Variants in SLC6A15 observed in about 807,000 individuals in gnomAD.
SLC6A15 encodes the protein sodium-dependent neutral amino acid transporter B(0)AT2.
In SLC6A15, 33 loss-of-function variants were observed where a neutral mutation model predicts 68.5. The observed-to-expected ratio is 0.48, with a 90% CI of 0.37 to 0.64. The LOEUF (loss-of-function observed/expected upper bound fraction) is 0.64, where lower values mean the gene tolerates loss of function less well. Ranked by LOEUF, SLC6A15 falls within the 30% of genes least tolerant of loss-of-function variation. The probability of loss-of-function intolerance (pLI) is 0.00; values close to 1 mark genes in which losing one functional copy is unlikely to be tolerated. For synonymous variants in SLC6A15, 347 were observed against 301.0 expected, an observed-to-expected ratio of 1.15 and a Z score of -1.58; for missense variants, 747 against 874.3, an observed-to-expected ratio of 0.85 and a Z score of 1.84.
intron 1 of SLC6A15, among the ~76,000 whole-genome samples, chr12:84,911,606 A>G (rs570615968): frequency 3.7e-4 from 57 of 152,318 alleles, no homozygotes; most frequent in African/African-American, 1.2e-3. Flanking sequence ...AGCCTGTGCC[A>G]CTGGGTGGGT....
intron 10 of SLC6A15, among the ~76,000 whole-genome samples, 153 bp downstream of exon 10, chr12:84,866,881 C>G (rs1040511226): frequency 8.5e-5 from 13 of 152,146 alleles, no homozygotes; most frequent in Admixed American, 6.5e-4. Flanking sequence ...TTTACCAAAA[C>G]TGTTGAATCA....
intron 9 of SLC6A15, among the ~76,000 whole-genome samples, chr12:84,868,951 A>C (rs1368974168): frequency 6.6e-6 from 1 of 152,206 alleles, no homozygotes; most frequent in African/African-American, 2.4e-5. Context: ...AGTGGAAATC[A>C]CTTTCTTGAA....
intron 9 of SLC6A15, chr12:84,867,662 T>C (rs1871118163): frequency 6.6e-6 from 1 of 152,108 alleles, no homozygotes; most frequent in Non-Finnish European, 1.5e-5. Context: ...AATATACATA[T>C]TATATATTTG....
chr12:84,861,811 C>T lies in SLC6A15; in HGVS notation c.2014G>A (p.Asp672Asn), dbSNP rs1173837286. 15 of 1,613,824 alleles carry T rather than the reference C, an allele frequency of 9.3e-6. No homozygotes were observed. Among genetic ancestry groups the T allele is most frequent in the Admixed American group, 1.7e-5 (1 of 59,962 alleles). ...TTTCCGTGAATGAGGCTTGTATCAT[C>T]GCCCTCTAAGTTCACAGGCTCTTTC... The part of the protein sequence containing the change: ...VLKEPVNLEG[D>N]DTSLIHGKIP... The change falls in exon 12 of 12, where the codon GAT becomes AAT. Residue 672 changes from aspartate (D) to asparagine (N), a missense_variant. Transcript: ENST00000266682.
intron 1 of SLC6A15, among the ~76,000 whole-genome samples, chr12:84,895,060 T>G (rs1872581048): frequency 6.6e-6 from 1 of 152,034 alleles, no homozygotes; most frequent in South Asian, 2.1e-4. Flanking sequence ...AAGCTCTCTT[T>G]TCTTACTATT....
chr12:84,870,620 T>C lies in SLC6A15; in HGVS notation c.1353A>G (p.Thr451=), dbSNP rs765307283. The part of the protein sequence containing the change: ...LAFIAFTEAM[T]HFPASPFWSV... Reference sequence around the variant, plus strand: ...ACCAGAAGGGAGATGCAGGAAAATGTGTCATCGCTTCTGTAAAGGCAATAA... The same window carrying C: ...ACCAGAAGGGAGATGCAGGAAAATGCGTCATCGCTTCTGTAAAGGCAATAA... Residue 451 remains threonine (T), a synonymous_variant, in exon 9 of 12, where the codon ACA becomes ACG. Transcript: ENST00000266682. 1.9e-6 allele frequency: 3 copies of C among 1,612,304 alleles called. No individual in the cohort carries two copies. The highest frequency in any genetic ancestry group is 2.5e-6 in the Non-Finnish European group (3 of 1,179,108).
In SLC6A15 at chr12:84,861,639, T is replaced by A. The variant is rs145716716; in HGVS notation, c.2186A>T (p.Asp729Val). The change falls in exon 12 of 12, where the codon GAT (aspartate) becomes GTT (valine). Residue 729 changes from aspartate to valine, a missense_variant. Coordinates refer to ENST00000266682, the MANE Select transcript of SLC6A15 (RefSeq NM_182767.6). ...CACTGACTTTTCCCCCAGCTACAAA[T>A]CAGATTCTGGCATATCTGGCATAAT... ...ADIMPDMPES[D>V]L 29 of 1,590,574 alleles carry A rather than the reference T, an allele frequency of 1.8e-5. No individual in the cohort carries two copies. The African/African-American group carries it at 3.5e-4, about 19-fold the overall frequency.
At chr12:84,910,953 G>GTGTGTGTCTT (rs1565736544) in intron 1 of SLC6A15, among the ~76,000 whole-genome samples, 4 of 145,008 alleles carry the variant, frequency 2.8e-5, no homozygotes, top group Non-Finnish European at 5.9e-5. Context: ...GTGTGTGTGT[G>GTGTGTGTCTT]TCTTTAACCC....
intron 5 of SLC6A15, chr12:84,881,520 T>C: frequency 1.3e-5 from 13 of 985,390 alleles, no homozygotes; most frequent in Non-Finnish European, 1.4e-5. Flanking sequence ...GTCCAACTGA[T>C]ATGTGCCTAC....
intron 5 of SLC6A15, chr12:84,880,738 C>A (rs1032395900): frequency 1.8e-4 from 42 of 229,472 alleles, no homozygotes; most frequent in African/African-American, 9.3e-4. Flanking sequence ...AACTATTATG[C>A]CTGTCAAAGC....
rs371263686 is a variant in SLC6A15, at chr12:84,885,892, C to T, written c.447+19G>A. The T allele has an allele frequency of 5.7e-6, 9 of 1,592,732 alleles. No individual in the cohort carries two copies. Among genetic ancestry groups the T allele is most frequent in the South Asian group, 1.1e-5 (1 of 87,144 alleles). ...AACCCTATAAAGATTACAGCATACA[C>T]CAACAAAAGGAAACTTACTACACAA... On this transcript the variant is annotated intron_variant, in intron 3 of 11. Transcript: ENST00000266682.
chr12:84,881,814 A>G (rs937937898), intron 5 of SLC6A15: 32 of 976,020 alleles, frequency 3.3e-5, no homozygotes, highest in Admixed American at 1.2e-4. Flanking sequence ...TCATAAAGTC[A>G]TTGTTATTAT....
intron 10 of SLC6A15, among the ~76,000 whole-genome samples, chr12:84,863,916 T>A (rs964759156): frequency 6.6e-6 from 1 of 151,580 alleles, no homozygotes; most frequent in African/African-American, 2.4e-5. Context: ...AAGTAATAAT[T>A]ACAAAAAGGA....
At chr12:84,883,812 C>T (rs1281479759) in intron 5 of SLC6A15, 47 bp downstream of exon 5, 2 of 1,613,714 alleles carry the variant, frequency 1.2e-6, no homozygotes, top group African/African-American at 2.7e-5. Flanking sequence ...AGGGATGAAT[C>T]CAGAAATGGT....
intron 1 of SLC6A15, among the ~76,000 whole-genome samples, chr12:84,899,797 C>T (rs1292414484): frequency 2.6e-5 from 4 of 151,930 alleles, no homozygotes; most frequent in South Asian, 2.1e-4. Flanking sequence ...TTTTTTGTAT[C>T]GCTTTAGTTA....
intron 3 of SLC6A15, 124 bp downstream of exon 3, chr12:84,885,787 C>A (rs999666332): frequency 9.3e-7 from 1 of 1,077,754 alleles, no homozygotes; most frequent in East Asian, 2.5e-5. Flanking sequence ...ATGCCAGTAA[C>A]GTTTTCTAAA....
At chr12:84,895,883 T>C (rs898761449) in intron 1 of SLC6A15, among the ~76,000 whole-genome samples, 15 of 152,086 alleles carry the variant, frequency 9.9e-5, no homozygotes, top group African/African-American at 3.4e-4. Flanking sequence ...ACTTAGTCCA[T>C]AAATGTAGTC....
At chr12:84,877,563 T>C (rs75571764) in intron 5 of SLC6A15, among the ~76,000 whole-genome samples, 5,208 of 152,264 alleles carry the variant, frequency 0.034, 135 homozygotes, top group Non-Finnish European at 0.057. Flanking sequence ...CCTGTGAGTC[T>C]ACCAAGCTCA....
intron 5 of SLC6A15, chr12:84,882,329 A>G (rs1446405961): frequency 1.0e-6 from 1 of 985,194 alleles, no homozygotes; most frequent in Non-Finnish European, 1.2e-6. Context: ...GACATACACA[A>G]TTGAACAATT....
Sources: gnomAD v4.1 joint callset for allele counts (sites outside exome capture counted in the v4.1 genomes callset) on GRCh38, gnomAD v4.1.1 for gene constraint, MANE v1.5 for transcripts, NCBI Gene and HGNC (gene_info 2026-07-23, HGNC 2026-07-21) for gene names.